MCPH1: variants seen among roughly 807,000 people sequenced by gnomAD.
MCPH1 encodes microcephalin 1.
MCPH1 carries 104 observed loss-of-function variants against 84.5 expected under a neutral mutation model. That is an observed-to-expected ratio of 1.23 (90% CI 1.05 to 1.45). The LOEUF is 1.45. Among genes scored for constraint, MCPH1 ranks in the 40% most tolerant of loss-of-function variants. The pLI is 0.00. For missense variants in MCPH1, 1,498 were observed against 1,005.7 expected, an observed-to-expected ratio of 1.49 and a Z score of -6.62; for synonymous variants, 514 against 366.8, an observed-to-expected ratio of 1.40 and a Z score of -4.58.
At chr8:6,633,035 A>C (rs1198401392) in intron 13 of MCPH1, among the ~76,000 whole-genome samples, 2 of 152,122 alleles carry the variant, frequency 1.3e-5, no homozygotes, top group Non-Finnish European at 2.9e-5. Flanking sequence ...AAAAAAAAAA[A>C]AACTCTTCAG....
chr8:6,630,723 G>A (rs1488955696), intron 13 of MCPH1, among the ~76,000 whole-genome samples: 1 of 150,322 alleles, frequency 6.7e-6, no homozygotes, highest in Non-Finnish European at 1.5e-5. Context: ...GGAGGTTGCA[G>A]TGAGCCGAGA....
intron 11 of MCPH1, among the ~76,000 whole-genome samples, chr8:6,492,757 A>G (rs1311670905): frequency 2.0e-5 from 3 of 149,306 alleles, no homozygotes; most frequent in East Asian, 1.9e-4. Context: ...ATTATTTAAT[A>G]TTATAAAATT....
rs1001635037 is a variant in MCPH1, at chr8:6,630,657, T to C, written c.2452+8966T>C. ...TGAGCCAGGCATGATGGGGCATGCC[T>C]GTGATCCCAGCTACTTGGGAGGCTG... On this transcript the variant is annotated intron_variant, in intron 13 of 13. Transcript: ENST00000344683. 2.0e-5 allele frequency among the ~76,000 whole-genome samples: 3 copies of C among 151,848 alleles called. No homozygotes were observed. In the South Asian group the frequency reaches 6.2e-4, roughly 31 times the overall value.
chr8:6,592,429 T>G (rs1395355840), intron 12 of MCPH1, among the ~76,000 whole-genome samples: 1 of 151,952 alleles, frequency 6.6e-6, no homozygotes, highest in Non-Finnish European at 1.5e-5. Context: ...TATAGTTGTT[T>G]CCATTTTTTG....
chr8:6,518,163 G>A (rs867168535), intron 12 of MCPH1, among the ~76,000 whole-genome samples: 1 of 152,176 alleles, frequency 6.6e-6, no homozygotes, highest in South Asian at 2.1e-4. Flanking sequence ...TGATGGGGCT[G>A]CATGGTTAGC....
At chr8:6,546,632 G>A (rs1312982785) in intron 12 of MCPH1, among the ~76,000 whole-genome samples, 5 of 152,080 alleles carry the variant, frequency 3.3e-5, no homozygotes, top group Admixed American at 6.6e-5. Flanking sequence ...GGAGCTAACC[G>A]CTTAATACAA....
intron 12 of MCPH1, among the ~76,000 whole-genome samples, chr8:6,550,538 C>T (rs1823456600): frequency 1.3e-5 from 2 of 152,218 alleles, no homozygotes; most frequent in Non-Finnish European, 2.9e-5. Context: ...CCCAGATTTT[C>T]CACATTTGTT....
At position 6,436,125 on chromosome 8, in the gene MCPH1, A is replaced by T; in HGVS notation, c.399A>T (p.Lys133Asn). 6.2e-7 allele frequency: 1 copy of T among 1,613,866 alleles called. No individual in the cohort carries two copies. Residue 133 changes from lysine to asparagine, a missense_variant, in exon 5 of 14, where the codon AAA (lysine) becomes AAT (asparagine). Coordinates refer to ENST00000344683, the MANE Select transcript of MCPH1 (RefSeq NM_024596.5). Reference protein sequence around the residue: ...NDKRFQKKFEKMAKELQRQKT... With the variant: ...NDKRFQKKFENMAKELQRQKT... ...AGAGATTTCAGAAGAAATTTGAGAA[A>T]ATGGCTAAAGAGCTACAAAGGCAAA...
rs370811562 is a variant in MCPH1, at chr8:6,646,939, T to TA, written c.*3897dup. On this transcript the variant is annotated 3_prime_UTR_variant, in exon 14 of 14. Coordinates refer to ENST00000344683, the MANE Select transcript of MCPH1 (RefSeq NM_024596.5). ...ATATGACACTAAAGGCATAATTCAT[T>TA]AAAAAAATAAGTTGGGCTTTGTCAA... 1 of 151,980 alleles carries TA rather than the reference T, an allele frequency of 6.6e-6. No individual in the cohort carries two copies. The highest frequency in any genetic ancestry group is 6.6e-5 in the Admixed American group (1 of 15,250). The allele number at this position is 151,980 out of a possible 1,614,324, so 9.4% of individuals were successfully genotyped here. A position where few individuals can be genotyped will look rare whatever the true frequency, so the allele number is the denominator to read the frequency against.
At chr8:6,508,769 TA>T (rs924897557) in intron 12 of MCPH1, 17 of 1,027,158 alleles carry the variant, frequency 1.7e-5, no homozygotes, top group African/African-American at 1.1e-4. Flanking sequence ...AAACTTAGTC[TA>T]AAAAAAGTGA....
At chr8:6,409,929 A>G (rs1394721405) in intron 2 of MCPH1, among the ~76,000 whole-genome samples, 1 of 152,086 alleles carries the variant, frequency 6.6e-6, no homozygotes, top group Non-Finnish European at 1.5e-5. Flanking sequence ...GGAGAGAAGA[A>G]TGCCAGGAGA....
chr8:6,570,796 G>A (rs1032608820), intron 12 of MCPH1, among the ~76,000 whole-genome samples: 1 of 129,740 alleles, frequency 7.7e-6, no homozygotes, highest in Non-Finnish European at 1.5e-5. Flanking sequence ...GGAGCAGATG[G>A]ATTGTTGTTT....
At chr8:6,631,977 C>A (rs553856675) in intron 13 of MCPH1, among the ~76,000 whole-genome samples, 1 of 152,280 alleles carries the variant, frequency 6.6e-6, no homozygotes, top group South Asian at 2.1e-4. Flanking sequence ...GTGGTCTATC[C>A]ATACAGTGGA....
At chr8:6,605,846 T>TCACCC (rs1829731297) in intron 12 of MCPH1, among the ~76,000 whole-genome samples, 1 of 152,170 alleles carries the variant, frequency 6.6e-6, no homozygotes, top group South Asian at 2.1e-4. Flanking sequence ...TACAGGTGTT[T>TCACCC]GCCACCATGC....
At chr8:6,469,175 C>G (rs1807392730) in intron 9 of MCPH1, among the ~76,000 whole-genome samples, 1 of 151,916 alleles carries the variant, frequency 6.6e-6, no homozygotes, top group African/African-American at 2.4e-5. Flanking sequence ...GAGACCCTGT[C>G]TCAAAAATAA....
chr8:6,601,610 C>T (rs1352110877), intron 12 of MCPH1, among the ~76,000 whole-genome samples: 2 of 147,594 alleles, frequency 1.4e-5, no homozygotes, highest in Non-Finnish European at 3.0e-5. Flanking sequence ...ACACACCATA[C>T]ACACCACCCA....
intron 11 of MCPH1, among the ~76,000 whole-genome samples, chr8:6,495,793 C>G (rs1811158669): frequency 1.3e-5 from 2 of 152,186 alleles, no homozygotes; most frequent in Non-Finnish European, 2.9e-5. Context: ...AACTTTACTC[C>G]TAAAGTATCA....
At position 6,646,869 on chromosome 8, in the gene MCPH1, T is replaced by G. The variant is rs113021924; in HGVS notation, c.*3820T>G. On this transcript the variant is annotated 3_prime_UTR_variant, in exon 14 of 14. Transcript: ENST00000344683. ...AAAATAAAATGTACAGAAGAAAGCA[T>G]AGCAGGAAATCATTCTGACCTCAGG... 6.6e-6 allele frequency: 1 copy of G among 152,060 alleles called. No individual in the cohort carries two copies. Among genetic ancestry groups the G allele is most frequent in the Non-Finnish European group, 1.5e-5 (1 of 67,994 alleles). The allele number at this position is 152,060 out of a possible 1,614,324, so 9.4% of individuals were successfully genotyped here. A position where few individuals can be genotyped will look rare whatever the true frequency, so the allele number is the denominator to read the frequency against.
intron 11 of MCPH1, among the ~76,000 whole-genome samples, chr8:6,487,230 G>C (rs1045307401): frequency 6.6e-6 from 1 of 152,188 alleles, no homozygotes; most frequent in South Asian, 2.1e-4. Context: ...AGATAATCTA[G>C]TGTTTTCTTA....
Sources: gnomAD v4.1 joint callset for allele counts (sites outside exome capture counted in the v4.1 genomes callset) on GRCh38, gnomAD v4.1.1 for gene constraint, MANE v1.5 for transcripts, NCBI Gene and HGNC (gene_info 2026-07-23, HGNC 2026-07-21) for gene names.